The following DNAJA3 variants were observed in gnomAD, a reference collection of about 807,000 sequenced individuals.
DNAJA3 encodes the protein DnaJ heat shock protein family (Hsp40) member A3.
In DNAJA3, 29 loss-of-function variants were observed where a neutral mutation model predicts 54.9. The observed-to-expected ratio is 0.53, with a 90% CI of 0.39 to 0.72. The LOEUF is 0.72. Ranked by LOEUF, DNAJA3 falls within the 30% of genes least tolerant of loss-of-function variation. The pLI is 0.00. For synonymous variants in DNAJA3, 302 were observed against 251.4 expected, an observed-to-expected ratio of 1.20 and a Z score of -1.90; for missense variants, 708 against 639.4, an observed-to-expected ratio of 1.11 and a Z score of -1.16.
At chr16:4,437,359 G>A (rs747243136) in intron 2 of DNAJA3, 43 bp from the exon 3 acceptor site, 19 of 1,534,506 alleles carry the variant, frequency 1.2e-5, no homozygotes, top group East Asian at 4.5e-5. Context: ...GGTATTTGGG[G>A]TTCACATTGT....
chr16:4,429,254 C>T (rs1352193895), intron 1 of DNAJA3, among the ~76,000 whole-genome samples: 1 of 150,946 alleles, frequency 6.6e-6, no homozygotes, highest in East Asian at 2.0e-4. Flanking sequence ...TGCAGTGGTG[C>T]GATCTCGGCT....
At chr16:4,428,671 G>A (rs930151429) in intron 1 of DNAJA3, among the ~76,000 whole-genome samples, 3 of 152,158 alleles carry the variant, frequency 2.0e-5, no homozygotes, top group Admixed American at 6.6e-5. Flanking sequence ...CCTGCCATGG[G>A]CAAGTTTTAT....
intron 1 of DNAJA3, chr16:4,431,753 T>C (rs1007282426): frequency 6.6e-6 from 1 of 152,074 alleles, no homozygotes; most frequent in Admixed American, 6.6e-5. Flanking sequence ...AATTTTTGTA[T>C]TTTTAGTAGA....
intron 11 of DNAJA3, 23 bp from the exon 12 acceptor site, chr16:4,455,523 A>T: frequency 1.3e-6 from 2 of 1,551,714 alleles, no homozygotes; most frequent in Non-Finnish European, 8.7e-7. Flanking sequence ...AGTATAAGGT[A>T]ACAGCCTATC....
chr16:4,450,293 G>C, intron 9 of DNAJA3, 107 bp from the exon 10 acceptor site: 1 of 846,166 alleles, frequency 1.2e-6, no homozygotes, highest in Non-Finnish European at 1.8e-6. Context: ...CCCCTGCCAA[G>C]GTTGGGTCCC....
chr16:4,451,719 T>C (rs1370509866), intron 10 of DNAJA3, among the ~76,000 whole-genome samples: 2 of 125,856 alleles, frequency 1.6e-5, no homozygotes, highest in Admixed American at 2.0e-4. Flanking sequence ...ACCACACCAC[T>C]GCACTCCAGC....
At chr16:4,449,467 C>G (rs937723672) in intron 9 of DNAJA3, 1 of 152,100 alleles carries the variant, frequency 6.6e-6, no homozygotes, top group Non-Finnish European at 1.5e-5. Flanking sequence ...GCAACCTCCT[C>G]CTCCCCAGTT....
Position 4,454,947 on chromosome 16 carries a change from T to G in DNAJA3, c.*13+20T>G. ...GCCGAGGTAGGAAAACCCTGGAGGT[T>G]TTTTTTCCCTTTGTTTTCCTCTGTG... On this transcript the variant is annotated intron_variant, in intron 11 of 11. Coordinates refer to ENST00000262375, the MANE Select transcript of DNAJA3 (RefSeq NM_005147.6). 2 of 1,524,520 alleles carry G rather than the reference T, an allele frequency of 1.3e-6. No individual in the cohort carries two copies. Among genetic ancestry groups the G allele is most frequent in the Non-Finnish European group, 1.8e-6 (2 of 1,103,898 alleles). The allele number at this position is 1,524,520 out of a possible 1,614,324, so 94.4% of individuals were successfully genotyped here.
intron 2 of DNAJA3, among the ~76,000 whole-genome samples, chr16:4,434,923 G>T (rs1359186000): frequency 8.8e-6 from 1 of 113,650 alleles, no homozygotes; most frequent in Non-Finnish European, 1.7e-5. Context: ...TTGAGATGGA[G>T]TCTCACTCCA....
rs779438306 is a variant in DNAJA3, at chr16:4,444,743, C to A, written c.996+15C>A. The A allele has an allele frequency of 5.0e-6, 8 of 1,612,780 alleles. No individual in the cohort carries two copies. The highest frequency in any genetic ancestry group is 5.9e-6 in the Non-Finnish European group (7 of 1,179,140). On this transcript the variant is annotated intron_variant, in intron 7 of 11. Coordinates refer to ENST00000262375, the MANE Select transcript of DNAJA3 (RefSeq NM_005147.6). ...TTACGTTCAGGGTAGGTGCCCTGCCCCGCACAGCTTCTGTTGGGCCTTTCC... is the reference window on the plus strand; with the variant it reads ...TTACGTTCAGGGTAGGTGCCCTGCCACGCACAGCTTCTGTTGGGCCTTTCC...
Position 4,454,857 on chromosome 16 carries a change from G to A in DNAJA3, c.1386G>A (p.Glu462=), listed in dbSNP as rs1368173314. 1 of 1,614,042 alleles carries A rather than the reference G, an allele frequency of 6.2e-7. No individual in the cohort carries two copies. Among genetic ancestry groups the A allele is most frequent in the African/African-American group, 1.3e-5 (1 of 74,942 alleles). The change falls in exon 11 of 12, where the codon GAG becomes GAA. Residue 462 remains glutamate, a synonymous_variant. Transcript: ENST00000262375. ...DSSAGSKARR[E]AGEDEEGFLS... ...CCGCAGGAAGCAAGGCTAGGCGTGA[G>A]GCTGGGGAGGACGAGGAGGGATTCC...
At chr16:4,439,660 A>G (rs2056815573) in intron 3 of DNAJA3, among the ~76,000 whole-genome samples, 1 of 152,118 alleles carries the variant, frequency 6.6e-6, no homozygotes, top group South Asian at 2.1e-4. Context: ...TCTGTCTTCA[A>G]GGGGGATGTT....
In DNAJA3 at chr16:4,455,191, T is replaced by C. The variant is rs556785624; in HGVS notation, c.*13+264T>C. On this transcript the variant is annotated intron_variant, in intron 11 of 11. Coordinates refer to ENST00000262375, the MANE Select transcript of DNAJA3 (RefSeq NM_005147.6). ...CTTCTTCCTGGGGAGGTGGCGATGC[T>C]GGGGCTGTTGTACAGCCCCCCTGCA... 2.0e-5 allele frequency among the ~76,000 whole-genome samples: 3 copies of C among 152,294 alleles called. No homozygotes were observed. In the East Asian group the frequency reaches 5.8e-4, roughly 29 times the overall value.
intron 8 of DNAJA3, 35 bp from the exon 9 acceptor site, chr16:4,448,698 G>A (rs1485699903): frequency 4.0e-6 from 6 of 1,513,360 alleles, no homozygotes; most frequent in East Asian, 4.5e-5. Flanking sequence ...AGCAACTGGG[G>A]ACCAGGGGAA....
intron 7 of DNAJA3, among the ~76,000 whole-genome samples, chr16:4,446,392 C>T (rs997610672): frequency 5.3e-5 from 8 of 151,376 alleles, no homozygotes; most frequent in African/African-American, 1.7e-4. Flanking sequence ...TACAGGGGCC[C>T]GCCACCACAC....
In DNAJA3 at chr16:4,448,844, C is replaced by T; in HGVS notation, c.1237C>T (p.Pro413Ser). 6.2e-6 allele frequency: 10 copies of T among 1,612,828 alleles called. No individual in the cohort carries two copies. The highest frequency in any genetic ancestry group is 8.5e-6 in the Non-Finnish European group (10 of 1,179,178). Reference protein sequence around the residue: ...DHYIHIKIRVPKRLTSRQQSL... With the variant: ...DHYIHIKIRVSKRLTSRQQSL... ...CTACATCCACATCAAGATACGAGTTCCAAAGTAAGTGCCCCCTAGGCTGTG... is the reference window on the plus strand; with the variant it reads ...CTACATCCACATCAAGATACGAGTTTCAAAGTAAGTGCCCCCTAGGCTGTG... Residue 413 changes from proline (P) to serine (S), a missense_variant, in exon 9 of 12, where the codon CCA (proline) becomes TCA (serine). By Grantham distance (74) the Pro-to-Ser change is moderately conservative. Coordinates refer to ENST00000262375, the MANE Select transcript of DNAJA3 (RefSeq NM_005147.6).
At chr16:4,436,217 G>A (rs1400410946) in intron 2 of DNAJA3, among the ~76,000 whole-genome samples, 1 of 152,140 alleles carries the variant, frequency 6.6e-6, no homozygotes, top group Non-Finnish European at 1.5e-5. Context: ...CATGGGGACA[G>A]GAAGCAGAGA....
chr16:4,445,057 A>G (rs997940415), intron 7 of DNAJA3, among the ~76,000 whole-genome samples: 3 of 152,232 alleles, frequency 2.0e-5, no homozygotes, highest in African/African-American at 7.2e-5. Flanking sequence ...TACTGTATAC[A>G]GGGGCAAACC....
At chr16:4,431,111 T>C (rs974518043) in intron 1 of DNAJA3, 1 of 152,170 alleles carries the variant, frequency 6.6e-6, no homozygotes, top group African/African-American at 2.4e-5. Context: ...ACATGCAGTT[T>C]TGTGCGTTAC....
Sources: allele counts gnomAD v4.1 joint callset (sites outside exome capture counted in the v4.1 genomes callset), GRCh38; gene constraint gnomAD v4.1.1; transcripts MANE v1.5; gene names NCBI Gene and HGNC (gene_info 2026-07-23, HGNC 2026-07-21).